LARP1: variants seen among roughly 807,000 people sequenced by gnomAD.
LARP1 encodes la-related protein 1.
A neutral mutation model predicts 122.7 loss-of-function variants in LARP1; 36 were observed. The observed-to-expected ratio is 0.29, with a 90% CI of 0.22 to 0.39. The LOEUF is 0.39. LARP1 is among the 10% of genes least tolerant of loss of function. LARP1 has a pLI of 1.00. For missense variants in LARP1, 1,040 were observed against 1,403.6 expected, an observed-to-expected ratio of 0.74 and a Z score of 4.14; for synonymous variants, 539 against 528.7, an observed-to-expected ratio of 1.02 and a Z score of -0.27.
chr5:154,767,524 A>C (rs1755051376), intron 1 of LARP1, among the ~76,000 whole-genome samples: 2 of 152,190 alleles, frequency 1.3e-5, no homozygotes, highest in African/African-American at 4.8e-5. Context: ...AAGCAACTCC[A>C]TATTGAAGTG....
intron 1 of LARP1, among the ~76,000 whole-genome samples, chr5:154,775,932 C>T (rs1267419549): frequency 1.3e-5 from 2 of 152,184 alleles, no homozygotes; most frequent in African/African-American, 4.8e-5. Context: ...AACTTAAATG[C>T]ACAAAAGGGG....
rs1411691625 is a variant in LARP1, at chr5:154,794,236, G to A, written c.1206G>A (p.Leu402=). 1.2e-6 allele frequency: 2 copies of A among 1,614,104 alleles called. No individual in the cohort carries two copies. The highest frequency in any genetic ancestry group is 1.7e-5 in the Admixed American group (1 of 60,024). Residue 402 remains leucine (L), a synonymous_variant, in exon 7 of 19, where the codon CTG becomes CTA. Transcript: ENST00000518297. ...STELYSVDQE[L]LKDYIKRQIE... Reference sequence around the variant, plus strand: ...AGCTTTACAGTGTGGATCAGGAACTGCTCAAAGACTACATCAAGCGCCAGA... The same window carrying A: ...AGCTTTACAGTGTGGATCAGGAACTACTCAAAGACTACATCAAGCGCCAGA...
chr5:154,806,639 G>C (rs568797667), intron 15 of LARP1, among the ~76,000 whole-genome samples: 1 of 152,146 alleles, frequency 6.6e-6, no homozygotes, highest in Non-Finnish European at 1.5e-5. Context: ...GTCTGTCCCT[G>C]CTCTTTTAGT....
intron 1 of LARP1, among the ~76,000 whole-genome samples, chr5:154,745,639 T>C (rs1273520119): frequency 6.6e-6 from 1 of 152,164 alleles, no homozygotes; most frequent in Non-Finnish European, 1.5e-5. Context: ...TCACAAATAT[T>C]GGCTCATTTA....
At chr5:154,711,141 CT>C (rs544780959), upstream of LARP1, among the ~76,000 whole-genome samples, 3,183 of 135,224 alleles carry the variant, frequency 0.024, 70 homozygotes, top group African/African-American at 0.07. Context: ...CAGTGTGGTA[CT>C]TTTTTTTTTT....
At chr5:154,811,014 T>C (rs1331904408) in intron 16 of LARP1, among the ~76,000 whole-genome samples, 1 of 152,148 alleles carries the variant, frequency 6.6e-6, no homozygotes, top group Non-Finnish European at 1.5e-5. Flanking sequence ...CATAAAAGAA[T>C]AGGAGTAAAC....
chr5:154,705,434 G>A (rs1016241940), intron 1 of LARP1, among the ~76,000 whole-genome samples: 3 of 151,990 alleles, frequency 2.0e-5, no homozygotes, highest in Admixed American at 6.6e-5. Flanking sequence ...TGCAAGTGGT[G>A]CAGTATCAGC....
intron 1 of LARP1, among the ~76,000 whole-genome samples, chr5:154,736,914 G>A (rs1379773597): frequency 2.6e-5 from 4 of 151,966 alleles, no homozygotes; most frequent in East Asian, 3.9e-4. Flanking sequence ...CATGGTGGCT[G>A]CACCATTTTA....
chr5:154,791,746 G>T (rs1374462045), intron 3 of LARP1, among the ~76,000 whole-genome samples: 5 of 152,152 alleles, frequency 3.3e-5, no homozygotes, highest in Non-Finnish European at 7.4e-5. Flanking sequence ...TGAAAAGTTG[G>T]CCTTCCGTGT....
At chr5:154,724,033 T>C (rs1756050258) in intron 1 of LARP1, among the ~76,000 whole-genome samples, 2 of 152,156 alleles carry the variant, frequency 1.3e-5, no homozygotes, top group Admixed American at 1.3e-4. Context: ...CTGTAGTGAG[T>C]ATTTTGAATC....
chr5:154,699,630 C>T (rs1754626527), intron 1 of LARP1, among the ~76,000 whole-genome samples: 1 of 152,176 alleles, frequency 6.6e-6, no homozygotes, highest in Non-Finnish European at 1.5e-5. Flanking sequence ...TGTACATTAT[C>T]TCAGGCATAA....
intron 1 of LARP1, among the ~76,000 whole-genome samples, chr5:154,684,662 C>A (rs1753842416): frequency 6.6e-6 from 1 of 152,182 alleles, no homozygotes; most frequent in Admixed American, 6.5e-5. Context: ...CAGTGGACTT[C>A]ACAGTGGATC....
chr5:154,778,133 G>A (rs1384336690), intron 1 of LARP1, among the ~76,000 whole-genome samples: 3 of 151,938 alleles, frequency 2.0e-5, no homozygotes, highest in Admixed American at 6.6e-5. Flanking sequence ...GGTGGTGGGC[G>A]CCTGTAGTCC....
chr5:154,805,804 G>C, intron 14 of LARP1, 77 bp from the exon 15 acceptor site: 1 of 1,481,106 alleles, frequency 6.8e-7, no homozygotes, highest in Non-Finnish European at 9.2e-7. Context: ...CTGACAGAAC[G>C]GATCAGAGGG....
chr5:154,803,861 T>C lies in LARP1; in HGVS notation c.2439+116T>C, dbSNP rs1216591263. On this transcript the variant is annotated intron_variant, in intron 13 of 18. Coordinates refer to ENST00000518297, the MANE Select transcript of LARP1 (RefSeq NM_033551.3). This position sits in a 1 kb window ranked among gnomAD's most constrained non-coding sequence, Gnocchi z 4.4. ...AGGAAGTGCTAAATCCTTCACCTGC[T>C]CTGTGTTCTGAGGCTGGTGGGCTTA... 4 of 1,081,986 alleles carry C rather than the reference T, an allele frequency of 3.7e-6. No homozygotes were observed. Among genetic ancestry groups the C allele is most frequent in the Non-Finnish European group, 5.4e-6 (4 of 734,010 alleles). The allele number at this position is 1,081,986 out of a possible 1,614,324, so 67.0% of individuals were successfully genotyped here.
chr5:154,692,238 T>G (rs541455201), intron 1 of LARP1, among the ~76,000 whole-genome samples: 4 of 152,180 alleles, frequency 2.6e-5, no homozygotes, highest in Non-Finnish European at 5.9e-5. Flanking sequence ...CTTAAGGAAG[T>G]GCTTAGAGAT....
chr5:154,765,090 T>C (rs6882998), intron 1 of LARP1, among the ~76,000 whole-genome samples: 135,329 of 152,032 alleles, frequency 0.89, 61,004 homozygotes, highest in African/African-American at 0.97. Flanking sequence ...AGAGTAAAAT[T>C]CAGAGTCCTT....
intron 1 of LARP1, among the ~76,000 whole-genome samples, chr5:154,773,809 G>T (rs1045355573): frequency 1.3e-5 from 2 of 152,238 alleles, no homozygotes; most frequent in African/African-American, 4.8e-5. Flanking sequence ...AAGCAGGCCA[G>T]CACTGGCCTG....
chr5:154,696,901 A>G (rs907244161), intron 1 of LARP1, among the ~76,000 whole-genome samples: 6 of 152,218 alleles, frequency 3.9e-5, no homozygotes, highest in Middle Eastern at 3.4e-3. Context: ...GGAATGCACA[A>G]TTTTCATGTG....
Sources: allele counts gnomAD v4.1 joint callset (sites outside exome capture counted in the v4.1 genomes callset), GRCh38; gene constraint gnomAD v4.1.1; non-coding constraint Gnocchi (gnomAD v3.1); transcripts MANE v1.5; gene names NCBI Gene and HGNC (gene_info 2026-07-23, HGNC 2026-07-21).